Variants in IL1RAPL2 observed in about 807,000 individuals in gnomAD.
The protein encoded by IL1RAPL2 is interleukin 1 receptor accessory protein like 2.
Under a neutral mutation model 44.1 loss-of-function variants are expected in IL1RAPL2, and 3 were observed. The ratio of observed to expected loss-of-function variants is 0.07; its 90% CI spans 0.03 to 0.18. The LOEUF (loss-of-function observed/expected upper bound fraction) is 0.18. Among genes scored for constraint, IL1RAPL2 ranks in the 10% least tolerant of loss-of-function variants. The probability of loss-of-function intolerance (pLI) is 1.00; values close to 1 mark genes in which losing one functional copy is unlikely to be tolerated. For missense variants in IL1RAPL2, 391 were observed against 496.4 expected, an observed-to-expected ratio of 0.79 and a Z score of 2.02; for synonymous variants, 181 against 178.8, an observed-to-expected ratio of 1.01 and a Z score of -0.10.
intron 2 of IL1RAPL2, among the ~76,000 whole-genome samples, chrX:104,742,825 C>T (rs964690630): frequency 5.4e-5 from 6 of 111,390 alleles, no homozygotes; most frequent in African/African-American, 2.0e-4. Context: ...GGAAAAACTC[C>T]ATTTGATATG....
chrX:104,777,733 T>C (rs964625775), intron 2 of IL1RAPL2, among the ~76,000 whole-genome samples: 97 of 109,429 alleles, frequency 8.9e-4, no homozygotes, highest in South Asian at 2.4e-3. Flanking sequence ...CCCGCCACCA[T>C]GCCCAGCTAA....
At chrX:105,484,542 C>T (rs1209692874) in intron 6 of IL1RAPL2, among the ~76,000 whole-genome samples, 155 bp downstream of exon 6, 1 of 112,115 alleles carries the variant, frequency 8.9e-6, no homozygotes, top group Admixed American at 9.5e-5. Flanking sequence ...AGTGCGATAG[C>T]AGTTTAAGGA....
chrX:105,187,541 T>C (rs145887104), intron 2 of IL1RAPL2, among the ~76,000 whole-genome samples: 2,382 of 112,135 alleles, frequency 0.021, 63 homozygotes, highest in African/African-American at 0.072. Context: ...AATGGAATAC[T>C]ATTCAGCCTT....
chrX:104,620,397 T>C (rs1929365627), intron 1 of IL1RAPL2, among the ~76,000 whole-genome samples: 1 of 108,458 alleles, frequency 9.2e-6, no homozygotes, highest in African/African-American at 3.4e-5. Flanking sequence ...CCCAGCACTT[T>C]GGGAGGCCGA....
intron 5 of IL1RAPL2, among the ~76,000 whole-genome samples, chrX:105,275,736 G>GTAT: frequency 9.0e-6 from 1 of 111,649 alleles, no homozygotes; most frequent in South Asian, 3.7e-4. Context: ...AGCAAATGTA[G>GTAT]TATTATTATT....
intron 6 of IL1RAPL2, among the ~76,000 whole-genome samples, chrX:105,690,173 G>C (rs210426): frequency 1.8e-5 from 2 of 110,249 alleles, no homozygotes; most frequent in Non-Finnish European, 3.8e-5. Flanking sequence ...CCTATGTATC[G>C]AACCTGCATG....
intron 2 of IL1RAPL2, among the ~76,000 whole-genome samples, chrX:105,008,004 G>GAAGAGAAAAGTCTATAGTAA (rs1447752813): frequency 8.8e-6 from 1 of 113,545 alleles, no homozygotes; most frequent in Non-Finnish European, 1.9e-5. Context: ...GAATTGCCAA[G>GAAGAGAAAAGTCTATAGTAA]GGCAATACTA....
At position 104,663,368 on chromosome X, in the gene IL1RAPL2, A is replaced by T. The variant is rs181035356; in HGVS notation, c.82+4373A>T. On this transcript the variant is annotated intron_variant, in intron 2 of 10. Transcript: ENST00000372582. The stretch of plus-strand genomic sequence containing the variant: ...AATTTATTGTTATATAATTAAAAAT[A>T]AAAGGAACCATGCTTTGAACCCTCA... Among the ~76,000 whole-genome samples the T allele has an allele frequency of 1.2e-4, 13 of 111,577 alleles. No homozygotes were observed. The East Asian group carries it at 3.1e-3, about 27-fold the overall frequency.
At chrX:105,332,010 C>T (rs941972724) in intron 5 of IL1RAPL2, among the ~76,000 whole-genome samples, 1 of 109,526 alleles carries the variant, frequency 9.1e-6, no homozygotes, top group Non-Finnish European at 1.9e-5. Context: ...GAAGAACCAG[C>T]ACAAGTGACA....
intron 1 of IL1RAPL2, among the ~76,000 whole-genome samples, chrX:104,616,207 T>C (rs956835581): frequency 2.7e-5 from 3 of 111,881 alleles, no homozygotes; most frequent in South Asian, 7.4e-4. Context: ...TTTTCTGTTG[T>C]TGTTTTGTTT....
intron 2 of IL1RAPL2, among the ~76,000 whole-genome samples, chrX:105,088,708 C>G (rs1232284041): frequency 9.0e-6 from 1 of 111,493 alleles, no homozygotes; most frequent in African/African-American, 3.3e-5. Flanking sequence ...AATGTGTATG[C>G]TTAAATAGAG....
At chrX:104,665,982 A>G (rs1396727211) in intron 2 of IL1RAPL2, among the ~76,000 whole-genome samples, 1 of 111,587 alleles carries the variant, frequency 9.0e-6, no homozygotes, top group Non-Finnish European at 1.9e-5. Context: ...TTGCCCACCA[A>G]TGTCACTGTG....
At chrX:104,785,875 T>C (rs1289008946) in intron 2 of IL1RAPL2, among the ~76,000 whole-genome samples, 2 of 112,067 alleles carry the variant, frequency 1.8e-5, no homozygotes, top group African/African-American at 6.5e-5. Context: ...TTGCTTAGTG[T>C]GATTTGTCAC....
At chrX:105,179,942 T>C (rs1225117084) in intron 2 of IL1RAPL2, among the ~76,000 whole-genome samples, 1 of 110,858 alleles carries the variant, frequency 9.0e-6, no homozygotes, top group Non-Finnish European at 1.9e-5. Context: ...AAAGGGACAG[T>C]TTTACTTCCT....
intron 3 of IL1RAPL2, among the ~76,000 whole-genome samples, chrX:105,222,783 C>T (rs1367182975): frequency 9.0e-6 from 1 of 111,427 alleles, no homozygotes; most frequent in Admixed American, 9.5e-5. Flanking sequence ...AGTAGATAGC[C>T]CTGTTATTGA....
intron 2 of IL1RAPL2, among the ~76,000 whole-genome samples, chrX:105,072,129 T>C (rs2032215461): frequency 9.0e-6 from 1 of 111,144 alleles, no homozygotes; most frequent in African/African-American, 3.3e-5. Flanking sequence ...GCTGTTCTCA[T>C]AAAAATGAGG....
At chrX:105,185,849 G>A (rs1454429293) in intron 2 of IL1RAPL2, among the ~76,000 whole-genome samples, 10 of 112,062 alleles carry the variant, frequency 8.9e-5, no homozygotes, top group African/African-American at 3.2e-4. Context: ...AACCAAAGCA[G>A]TTCACTCCAC....
intron 2 of IL1RAPL2, among the ~76,000 whole-genome samples, chrX:105,154,480 T>G (rs746425190): frequency 1.8e-5 from 2 of 111,594 alleles, no homozygotes; most frequent in Non-Finnish European, 3.8e-5. Flanking sequence ...CTCCTATCCT[T>G]GGTGCCAAAC....
chrX:104,635,143 TTTTC>T (rs1288972161), intron 1 of IL1RAPL2, among the ~76,000 whole-genome samples: 13 of 111,754 alleles, frequency 1.2e-4, no homozygotes, highest in African/African-American at 3.3e-4. Context: ...TTGAAAATTC[TTTTC>T]TTTAAGAATG....
Sources: gnomAD v4.1 joint callset for allele counts (sites outside exome capture counted in the v4.1 genomes callset) on GRCh38, gnomAD v4.1.1 for gene constraint, MANE v1.5 for transcripts, NCBI Gene and HGNC (gene_info 2026-07-23, HGNC 2026-07-21) for gene names.